The following SNRK variants were observed in gnomAD, a reference collection of about 807,000 sequenced individuals.
SNRK encodes the protein SNF-related serine/threonine-protein kinase.
Under a neutral mutation model 48.2 loss-of-function variants are expected in SNRK, and 3 were observed. The observed-to-expected ratio is 0.06, with a 90% CI of 0.03 to 0.16. SNRK has a LOEUF of 0.16. SNRK is among the 10% of genes least tolerant of loss of function. The pLI is 1.00. For synonymous variants in SNRK, 376 were observed against 366.1 expected (o/e 1.03, Z -0.31); for missense variants, 627 against 976.0 (o/e 0.64, Z 4.76).
intron 3 of SNRK, among the ~76,000 whole-genome samples, chr3:43,325,046 C>T (rs914706132): frequency 6.6e-6 from 1 of 152,196 alleles, no homozygotes; most frequent in African/African-American, 2.4e-5. Context: ...TGAAAGAGAA[C>T]CCATTTTCTT....
chr3:43,309,972 G>T (rs1331527983), intron 3 of SNRK, among the ~76,000 whole-genome samples: 1 of 151,972 alleles, frequency 6.6e-6, no homozygotes, highest in Non-Finnish European at 1.5e-5. Flanking sequence ...TAGACATAAT[G>T]CTGTTGCACA....
At chr3:43,309,522 T>G (rs2090963260) in intron 3 of SNRK, among the ~76,000 whole-genome samples, 1 of 152,124 alleles carries the variant, frequency 6.6e-6, no homozygotes, top group Admixed American at 6.6e-5. Flanking sequence ...CCACCCTGAT[T>G]AGTAAGCAGC....
rs561987026 is a variant in SNRK at position 43,349,361 on chromosome 3, C to T, written c.*804C>T. ...CTGTCTAACAGAACAAAAAGATGCT[C>T]TGTGTAAATTCCTTCCTGTAGGGCA... On this transcript the variant is annotated 3_prime_UTR_variant, in exon 7 of 7. Coordinates refer to ENST00000296088, the MANE Select transcript of SNRK (RefSeq NM_017719.5). 6.5e-6 allele frequency: 1 copy of T among 152,746 alleles called. No homozygotes were observed. Among genetic ancestry groups the T allele is most frequent in the Admixed American group, 6.5e-5 (1 of 15,304 alleles). The allele number at this position is 152,746 out of a possible 1,614,324, so 9.5% of individuals were successfully genotyped here. A position where few individuals can be genotyped will look rare whatever the true frequency, so the allele number is the denominator to read the frequency against.
At chr3:43,345,743 T>C (rs973312630) in intron 6 of SNRK, among the ~76,000 whole-genome samples, 3 of 152,168 alleles carry the variant, frequency 2.0e-5, no homozygotes, top group Non-Finnish European at 4.4e-5. Flanking sequence ...TTGGTACAGA[T>C]AGGATCCTGC....
rs749722160 is a variant in SNRK at position 43,347,935 on chromosome 3, G to A, written c.1676G>A (p.Gly559Glu). The change falls in exon 7 of 7, where the codon GGG (glycine) becomes GAG (glutamate). Residue 559 changes from glycine (G) to glutamate (E), a missense_variant. Physicochemically the swap from Gly to Glu is moderately conservative, Grantham distance 98. Around this residue, in one of 4 missense-constraint regions of SNRK, gnomAD observed 98 missense variants for 175.2 expected, o/e 0.56. Coordinates refer to ENST00000296088, the MANE Select transcript of SNRK (RefSeq NM_017719.5). This position sits in a 1 kb window ranked among gnomAD's most constrained non-coding sequence, Gnocchi z 5.4. ...CGGCGGCGGCTCGATAAAGATAGCG[G>A]GTTCACCTACTCCTGGCACCGACGG... ...ESRRRLDKDS[G>E]FTYSWHRRDS... 1 of 1,614,108 alleles carries A rather than the reference G, an allele frequency of 6.2e-7. No homozygotes were observed. The highest frequency in any genetic ancestry group is 8.5e-7 in the Non-Finnish European group (1 of 1,180,032).
intron 4 of SNRK, among the ~76,000 whole-genome samples, chr3:43,336,116 GTTTT>G (rs1319372731): frequency 6.7e-6 from 1 of 148,562 alleles, no homozygotes; most frequent in Non-Finnish European, 1.5e-5. Flanking sequence ...TCCTACTTCA[GTTTT>G]TTTTTTCTTT....
rs1456774895 is a variant in SNRK at position 43,348,740 on chromosome 3, T to C, written c.*183T>C. On this transcript the variant is annotated 3_prime_UTR_variant, in exon 7 of 7. Transcript: ENST00000296088. ...TCTTTGTGCATGCTGCTAGACACTT[T>C]TCTTTCCCAGCCGAAAAGCCTATTA... The C allele has an allele frequency of 1.9e-6, 1 of 533,212 alleles. No homozygotes were observed. The highest frequency in any genetic ancestry group is 2.9e-6 in the Non-Finnish European group (1 of 339,490). The allele number at this position is 533,212 out of a possible 1,614,324, so 33.0% of individuals were successfully genotyped here.
intron 3 of SNRK, among the ~76,000 whole-genome samples, chr3:43,309,496 C>CTGG (rs2039937570): frequency 1.3e-5 from 2 of 152,252 alleles, no homozygotes; most frequent in South Asian, 4.2e-4. Context: ...ACAGCCATGC[C>CTGG]AACCTTCAGC....
At chr3:43,332,527 T>C (rs1230586799) in intron 4 of SNRK, 4 of 353,522 alleles carry the variant, frequency 1.1e-5, no homozygotes, top group Non-Finnish European at 1.0e-5. Context: ...AAATTTAATA[T>C]TAGAGTACAA....
chr3:43,331,491 C>T (rs1444378084), intron 3 of SNRK, among the ~76,000 whole-genome samples: 1 of 152,156 alleles, frequency 6.6e-6, no homozygotes, highest in Non-Finnish European at 1.5e-5. Context: ...TTTGCCCTGC[C>T]TTTGCTGGAA....
At chr3:43,315,537 T>A (rs1269104869) in intron 3 of SNRK, among the ~76,000 whole-genome samples, 2 of 152,226 alleles carry the variant, frequency 1.3e-5, no homozygotes, top group Non-Finnish European at 2.9e-5. Flanking sequence ...CAGGCCCTGA[T>A]GAGTTCTAGA....
chr3:43,309,990 G>A (rs2090967453), intron 3 of SNRK, among the ~76,000 whole-genome samples: 1 of 152,024 alleles, frequency 6.6e-6, no homozygotes, highest in Non-Finnish European at 1.5e-5. Flanking sequence ...ACATTTAATA[G>A]ACTACGGTAT....
chr3:43,314,603 T>A (rs2091001605), intron 3 of SNRK, among the ~76,000 whole-genome samples: 1 of 152,200 alleles, frequency 6.6e-6, no homozygotes, highest in African/African-American at 2.4e-5. Flanking sequence ...ATTTTGGAAA[T>A]GGGTGTCCAC....
intron 3 of SNRK, among the ~76,000 whole-genome samples, chr3:43,304,122 TCTC>T (rs1259260711): frequency 6.6e-6 from 1 of 152,160 alleles, no homozygotes; most frequent in East Asian, 1.9e-4. Flanking sequence ...TCTTTAGCCA[TCTC>T]CTCTCTGTGC....
chr3:43,291,790 A>G (rs1559457356), intron 1 of SNRK, among the ~76,000 whole-genome samples: 1 of 152,074 alleles, frequency 6.6e-6, no homozygotes, highest in Admixed American at 6.6e-5. Context: ...CTCTATGGTG[A>G]AGATAATAAG....
Position 43,290,210 on chromosome 3 carries a change from G to A in SNRK, c.-169+3535G>A, listed in dbSNP as rs144383430. On this transcript the variant is annotated intron_variant, in intron 1 of 6. Coordinates refer to ENST00000296088, the MANE Select transcript of SNRK (RefSeq NM_017719.5). The stretch of plus-strand genomic sequence containing the variant: ...CATTATCAGACCCAAGTAATGCCGG[G>A]TACATAGTCTGTACCAAGAAGTGTC... 1.9e-3 allele frequency among the ~76,000 whole-genome samples: 287 copies of A among 152,186 alleles called. 1 individual carries two copies. The highest frequency in any genetic ancestry group is 6.6e-3 in the African/African-American group (273 of 41,510).
rs565012566 is a variant in SNRK at position 43,292,387 on chromosome 3, A to G, written c.-169+5712A>G. Among the ~76,000 whole-genome samples the G allele has an allele frequency of 8.5e-5, 13 of 152,364 alleles. No homozygotes were observed. In the South Asian group the frequency reaches 2.7e-3, roughly 32 times the overall value. On this transcript the variant is annotated intron_variant, in intron 1 of 6. Transcript: ENST00000296088. ...CCTCTTTCATTGAGGCTCTTTGATGAGAAGCTTTTCCTGTGCATTTTTTAT... is the reference window on the plus strand; with the variant it reads ...CCTCTTTCATTGAGGCTCTTTGATGGGAAGCTTTTCCTGTGCATTTTTTAT...
chr3:43,332,156 C>G lies in SNRK; in HGVS notation c.590-13C>G. The G allele has an allele frequency of 6.6e-7, 1 of 1,526,082 alleles. No individual in the cohort carries two copies. Among genetic ancestry groups the G allele is most frequent in the Non-Finnish European group, 8.8e-7 (1 of 1,138,322 alleles). The allele number at this position is 1,526,082 out of a possible 1,614,324, so 94.5% of individuals were successfully genotyped here. ...ATTAGTCCAATATTTTAAAGTATGTCTTTGATTTATAGATATTTGGAGTCT... is the reference window on the plus strand; with the variant it reads ...ATTAGTCCAATATTTTAAAGTATGTGTTTGATTTATAGATATTTGGAGTCT... On this transcript the variant is annotated splice_polypyrimidine_tract_variant and intron_variant, in intron 3 of 6. Coordinates refer to ENST00000296088, the MANE Select transcript of SNRK (RefSeq NM_017719.5).
chr3:43,295,660 T>C (rs756369233), intron 1 of SNRK, among the ~76,000 whole-genome samples: 7 of 152,240 alleles, frequency 4.6e-5, no homozygotes, highest in Non-Finnish European at 1.0e-4. Context: ...GACCTGTTTA[T>C]GGTTCTTATC....
Sources: allele counts gnomAD v4.1 joint callset (sites outside exome capture counted in the v4.1 genomes callset), GRCh38; gene constraint gnomAD v4.1.1; regional missense constraint gnomAD v4.1.1; non-coding constraint Gnocchi (gnomAD v3.1); transcripts MANE v1.5; gene names NCBI Gene and HGNC (gene_info 2026-07-23, HGNC 2026-07-21).